The following SH2D4B variants were observed in gnomAD, a reference collection of about 807,000 sequenced individuals.
SH2D4B encodes the protein SH2 domain containing 4B, also known as SH2 domain-containing protein 4B.
A neutral mutation model predicts 61.5 loss-of-function variants in SH2D4B; 45 were observed. The ratio of observed to expected loss-of-function variants is 0.73; its 90% CI spans 0.58 to 0.94. SH2D4B has a LOEUF of 0.94. Among genes scored for constraint, SH2D4B ranks in the 40% least tolerant of loss-of-function variants. The pLI, the probability that SH2D4B is intolerant of heterozygous loss-of-function variation, is 0.00. For missense variants in SH2D4B, 572 were observed against 574.2 expected, an observed-to-expected ratio of 1.00 and a Z score of 0.04; for synonymous variants, 224 against 220.4, an observed-to-expected ratio of 1.02 and a Z score of -0.14.
At chr10:80,627,534 G>A (rs569526650) in intron 6 of SH2D4B, among the ~76,000 whole-genome samples, 9 of 152,108 alleles carry the variant, frequency 5.9e-5, no homozygotes, top group East Asian at 1.9e-4. Flanking sequence ...CCGCCGCTGG[G>A]CTCCAGAACT....
intron 6 of SH2D4B, 147 bp downstream of exon 6, chr10:80,609,698 C>A: frequency 7.7e-7 from 1 of 1,307,022 alleles, no homozygotes; most frequent in Non-Finnish European, 1.1e-6. Flanking sequence ...CAGTGGGAGT[C>A]CAGGAGGCTG....
intron 6 of SH2D4B, among the ~76,000 whole-genome samples, chr10:80,626,431 A>G (rs553892031): frequency 1.9e-4 from 29 of 152,354 alleles, no homozygotes; most frequent in African/African-American, 5.8e-4. Flanking sequence ...ATATCTTTGC[A>G]TAGTTTTATA....
intron 1 of SH2D4B, among the ~76,000 whole-genome samples, chr10:80,568,054 T>C (rs1241296934): frequency 1.3e-5 from 2 of 152,124 alleles, no homozygotes; most frequent in African/African-American, 4.8e-5. Context: ...GACATCTTCC[T>C]TGAAGCTTTT....
intron 1 of SH2D4B, among the ~76,000 whole-genome samples, chr10:80,549,216 T>G (rs1841725292): frequency 6.6e-6 from 1 of 150,516 alleles, no homozygotes; most frequent in African/African-American, 2.5e-5. Flanking sequence ...TGTGTGTGTG[T>G]GTGTGTGTGT....
rs138597875 is a variant in SH2D4B, at chr10:80,554,652, G to A, written c.185-15502G>A. Among the ~76,000 whole-genome samples, 146 of 152,148 alleles carry A rather than the reference G, an allele frequency of 9.6e-4. 1 individual carries two copies. Among genetic ancestry groups the A allele is most frequent in the African/African-American group, 3.3e-3 (137 of 41,480 alleles). ...TTAAGGCTTTTAACTGCTTGGGTGA[G>A]GCTTACCCACATGTGGAAGGTAATC... On this transcript the variant is annotated intron_variant, in intron 1 of 7. Transcript: ENST00000646907.
intron 7 of SH2D4B, among the ~76,000 whole-genome samples, chr10:80,635,763 A>T (rs1411273883): frequency 3.3e-5 from 5 of 152,038 alleles, no homozygotes; most frequent in Non-Finnish European, 7.4e-5. Flanking sequence ...TTACCAATAG[A>T]TCTGTGAGGG....
intron 1 of SH2D4B, among the ~76,000 whole-genome samples, chr10:80,559,669 ACTCTATCACCCAGCCTATAGTGTAGTGG>A (rs1841878988): frequency 7.3e-6 from 1 of 137,876 alleles, no homozygotes; most frequent in African/African-American, 2.8e-5. Context: ...ACAGGGTCTC[ACTCTATCACCCAGCCTATAGTGTAGTGG>A]TATGATCATG....
chr10:80,568,924 T>C (rs1842004681), intron 1 of SH2D4B, among the ~76,000 whole-genome samples: 2 of 152,214 alleles, frequency 1.3e-5, no homozygotes, highest in African/African-American at 4.8e-5. Flanking sequence ...GAAGTTACAG[T>C]GTCTAGCTTT....
chr10:80,595,563 G>A (rs1477316428), intron 4 of SH2D4B, among the ~76,000 whole-genome samples: 1 of 152,144 alleles, frequency 6.6e-6, no homozygotes, highest in African/African-American at 2.4e-5. Flanking sequence ...CTGGCCTAGT[G>A]GCTGCCTTTA....
intron 3 of SH2D4B, among the ~76,000 whole-genome samples, chr10:80,579,363 T>C: frequency 6.6e-6 from 1 of 152,164 alleles, no homozygotes; most frequent in Admixed American, 6.5e-5. Context: ...CTGGTGCCAT[T>C]TGAATGTAAT....
intron 1 of SH2D4B, among the ~76,000 whole-genome samples, chr10:80,563,179 G>A (rs1368002076): frequency 2.0e-5 from 3 of 152,106 alleles, no homozygotes; most frequent in Non-Finnish European, 4.4e-5. Flanking sequence ...GGGATTACAG[G>A]CGTGAGCCAC....
chr10:80,638,634 C>T (rs1160959829), intron 7 of SH2D4B, among the ~76,000 whole-genome samples: 1 of 152,044 alleles, frequency 6.6e-6, no homozygotes, highest in Non-Finnish European at 1.5e-5. Flanking sequence ...GTGGTGATAT[C>T]CCCTTTATCA....
At chr10:80,627,969 C>T (rs1302634782) in intron 6 of SH2D4B, among the ~76,000 whole-genome samples, 1 of 152,198 alleles carries the variant, frequency 6.6e-6, no homozygotes, top group Non-Finnish European at 1.5e-5. Context: ...GGCTGCATCC[C>T]TTAGCCAGGC....
intron 6 of SH2D4B, among the ~76,000 whole-genome samples, chr10:80,631,098 A>G (rs1842827553): frequency 6.6e-6 from 1 of 152,232 alleles, no homozygotes; most frequent in Non-Finnish European, 1.5e-5. Flanking sequence ...ACAAATTAAA[A>G]TAGAAGTACC....
intron 4 of SH2D4B, among the ~76,000 whole-genome samples, chr10:80,595,879 A>C (rs1842379349): frequency 2.6e-5 from 4 of 152,214 alleles, no homozygotes; most frequent in Admixed American, 2.6e-4. Flanking sequence ...TGAGAATGGA[A>C]TCACATTATG....
intron 3 of SH2D4B, among the ~76,000 whole-genome samples, chr10:80,585,280 C>T (rs559042848): frequency 2.2e-4 from 33 of 152,074 alleles, no homozygotes; most frequent in African/African-American, 7.7e-4. Flanking sequence ...CTCCCTCTTC[C>T]TCCAAAATGA....
In SH2D4B at chr10:80,645,094, T is replaced by C. The variant is rs1329391769; in HGVS notation, c.*1009T>C. The C allele has an allele frequency of 1.3e-5, 2 of 152,212 alleles. No homozygotes were observed. The highest frequency in any genetic ancestry group is 4.8e-5 in the African/African-American group (2 of 41,454). The allele number at this position is 152,212 out of a possible 1,614,324, so 9.4% of individuals were successfully genotyped here. ...ATATGATGAAGAGAAGATTACAGTC[T>C]TTACAGTCAAGAAGACTTGGGTTCA... On this transcript the variant is annotated 3_prime_UTR_variant, in exon 8 of 8. Coordinates refer to ENST00000646907, the MANE Select transcript of SH2D4B (RefSeq NM_001388272.1).
rs1434970480 is a variant in SH2D4B at position 80,568,827 on chromosome 10, A to T, written c.185-1327A>T. On this transcript the variant is annotated intron_variant, in intron 1 of 7. Coordinates refer to ENST00000646907, the MANE Select transcript of SH2D4B (RefSeq NM_001388272.1). ...TGTTAACACCTTGCCAAACACAGTCACTAGCAACCAACACTTATTCCTAAT... is the reference window on the plus strand; with the variant it reads ...TGTTAACACCTTGCCAAACACAGTCTCTAGCAACCAACACTTATTCCTAAT... 2.6e-5 allele frequency among the ~76,000 whole-genome samples: 4 copies of T among 152,286 alleles called. No individual in the cohort carries two copies. In the East Asian group the frequency reaches 7.7e-4, roughly 29 times the overall value.
intron 7 of SH2D4B, among the ~76,000 whole-genome samples, chr10:80,642,103 C>G (rs1283302251): frequency 6.6e-6 from 1 of 152,006 alleles, no homozygotes; most frequent in East Asian, 1.9e-4. Flanking sequence ...GTTGGGTAGT[C>G]TTTTTTGAGA....
Sources: gnomAD v4.1 joint callset for allele counts (sites outside exome capture counted in the v4.1 genomes callset) on GRCh38, gnomAD v4.1.1 for gene constraint, MANE v1.5 for transcripts, NCBI Gene and HGNC (gene_info 2026-07-23, HGNC 2026-07-21) for gene names.